MALRD1: variants seen among roughly 807,000 people sequenced by gnomAD.
The protein encoded by MALRD1 is MAM and LDL-receptor class A domain-containing protein 1.
MALRD1 carries 247 observed loss-of-function variants against 242.1 expected under a neutral mutation model. That is an observed-to-expected ratio of 1.02 (90% CI 0.92 to 1.13). The LOEUF is 1.13. Ranked by LOEUF, MALRD1 falls within the 50% of genes most tolerant of loss-of-function variation. The pLI is 0.00. For missense variants in MALRD1, 2,989 were observed against 2,533.1 expected, an observed-to-expected ratio of 1.18 and a Z score of -3.86; for synonymous variants, 995 against 866.6, an observed-to-expected ratio of 1.15 and a Z score of -2.60.
intron 28 of MALRD1, among the ~76,000 whole-genome samples, chr10:19,399,271 A>G (rs547300899): frequency 6.6e-6 from 1 of 152,182 alleles, no homozygotes; most frequent in African/African-American, 2.4e-5. Flanking sequence ...AAAATATTTG[A>G]ATTTTGATTA....
intron 31 of MALRD1, among the ~76,000 whole-genome samples, chr10:19,530,345 TAA>T (rs1224157776): frequency 7.7e-6 from 1 of 130,316 alleles, no homozygotes; most frequent in African/African-American, 2.9e-5. Flanking sequence ...AATATTTATA[TAA>T]ATATATAATA....
chr10:19,481,484 G>A (rs1225783185), intron 29 of MALRD1, among the ~76,000 whole-genome samples: 1 of 152,148 alleles, frequency 6.6e-6, no homozygotes, highest in African/African-American at 2.4e-5. Flanking sequence ...TTGCAAACTT[G>A]CCTCTGATAG....
rs751023305 is a variant in MALRD1, at chr10:19,617,577, T to C, written c.6137+1654T>C. Among the ~76,000 whole-genome samples the C allele has an allele frequency of 5.9e-5, 9 of 152,122 alleles. No homozygotes were observed. In the East Asian group the frequency reaches 1.6e-3, roughly 26 times the overall value. On this transcript the variant is annotated intron_variant, in intron 36 of 39. Transcript: ENST00000454679. ...AAAATTACGTACTAAAAAAGTAATA[T>C]ATGTGGGTTGTCATGAGTCTTTTTA...
At chr10:19,619,928 G>C (rs1431655551) in intron 36 of MALRD1, among the ~76,000 whole-genome samples, 1 of 151,916 alleles carries the variant, frequency 6.6e-6, no homozygotes, top group Non-Finnish European at 1.5e-5. Flanking sequence ...GAGGCAGGAG[G>C]ATTGATTGAG....
intron 31 of MALRD1, among the ~76,000 whole-genome samples, chr10:19,503,709 C>A (rs1022094550): frequency 6.6e-6 from 1 of 152,198 alleles, no homozygotes; most frequent in African/African-American, 2.4e-5. Flanking sequence ...AGTAAGACAA[C>A]TGTCACATCT....
At chr10:19,680,560 A>G (rs1030319070) in intron 36 of MALRD1, among the ~76,000 whole-genome samples, 2 of 152,138 alleles carry the variant, frequency 1.3e-5, no homozygotes, top group African/African-American at 4.8e-5. Context: ...TCTTGAATGC[A>G]GCACACCGAT....
chr10:19,567,219 C>T (rs989539359), intron 32 of MALRD1, among the ~76,000 whole-genome samples: 1 of 152,048 alleles, frequency 6.6e-6, no homozygotes, highest in Non-Finnish European at 1.5e-5. Flanking sequence ...TTTATATCTC[C>T]TCCAGCTTTT....
At position 19,602,990 on chromosome 10, in the gene MALRD1, C is replaced by T. The variant is rs564917090; in HGVS notation, c.5945-4787C>T. On this transcript the variant is annotated intron_variant, in intron 34 of 39. Coordinates refer to ENST00000454679, the MANE Select transcript of MALRD1 (RefSeq NM_001142308.3). The stretch of plus-strand genomic sequence containing the variant: ...CATGTGTCTGTTGGCTGCATAAATG[C>T]CTTCTTTTGAGAAGTGTCCATTCAT... Among the ~76,000 whole-genome samples, 39 of 152,194 alleles carry T rather than the reference C, an allele frequency of 2.6e-4. No individual in the cohort carries two copies. The East Asian group carries it at 6.0e-3, about 23-fold the overall frequency.
At chr10:19,334,544 T>C (rs759965859) in intron 24 of MALRD1, among the ~76,000 whole-genome samples, 3 of 152,078 alleles carry the variant, frequency 2.0e-5, no homozygotes, top group Non-Finnish European at 4.4e-5. Context: ...ATAAATATGA[T>C]AATTACTGTA....
At chr10:19,164,276 T>G (rs1426251073) in intron 12 of MALRD1, among the ~76,000 whole-genome samples, 1 of 152,074 alleles carries the variant, frequency 6.6e-6, no homozygotes, top group Non-Finnish European at 1.5e-5. Context: ...TGAACAATTT[T>G]TTTAAAAAAG....
intron 26 of MALRD1, among the ~76,000 whole-genome samples, chr10:19,383,134 T>A (rs560645228): frequency 6.6e-6 from 1 of 152,278 alleles, no homozygotes; most frequent in African/African-American, 2.4e-5. Flanking sequence ...TTTGGTGTAC[T>A]GATTATTTTG....
At position 19,457,532 on chromosome 10, in the gene MALRD1, G is replaced by T. The variant is rs373843099; in HGVS notation, c.5029+7042G>T. 5.3e-5 allele frequency among the ~76,000 whole-genome samples: 8 copies of T among 151,860 alleles called. No homozygotes were observed. In the South Asian group the frequency reaches 1.0e-3, roughly 20 times the overall value. Reference sequence around the variant, plus strand: ...TGATGATCTGGCAAAGCCCGCCCTGGGTTTTATAACTTAGGTGAAAGCATG... The same window carrying T: ...TGATGATCTGGCAAAGCCCGCCCTGTGTTTTATAACTTAGGTGAAAGCATG... On this transcript the variant is annotated intron_variant, in intron 29 of 39. Coordinates refer to ENST00000454679, the MANE Select transcript of MALRD1 (RefSeq NM_001142308.3).
chr10:19,510,254 C>T (rs1351180168), intron 31 of MALRD1, among the ~76,000 whole-genome samples: 2 of 152,142 alleles, frequency 1.3e-5, no homozygotes, highest in Admixed American at 6.5e-5. Context: ...ATTCCATTGC[C>T]AAGGGAGGAG....
chr10:19,068,542 A>C (rs895582838), intron 2 of MALRD1, among the ~76,000 whole-genome samples: 3 of 152,128 alleles, frequency 2.0e-5, no homozygotes, highest in African/African-American at 7.2e-5. Context: ...CAAGCTGCAT[A>C]GGAAAAAGAG....
chr10:19,552,514 A>G (rs888256292), intron 32 of MALRD1, among the ~76,000 whole-genome samples: 8 of 151,794 alleles, frequency 5.3e-5, no homozygotes, highest in African/African-American at 1.9e-4. Flanking sequence ...AATTTTTTTC[A>G]GAGTGCCAGC....
At chr10:19,537,587 T>C (rs1392983326) in intron 32 of MALRD1, among the ~76,000 whole-genome samples, 3 of 152,196 alleles carry the variant, frequency 2.0e-5, no homozygotes, top group Admixed American at 1.3e-4. Flanking sequence ...GGGCCTTCCT[T>C]ATCATTTGAT....
At chr10:19,485,842 T>C (rs1053488677) in intron 29 of MALRD1, among the ~76,000 whole-genome samples, 1 of 152,074 alleles carries the variant, frequency 6.6e-6, no homozygotes. Flanking sequence ...TAGTTTTGTT[T>C]AAATGTAAAA....
chr10:19,454,753 A>G (rs1428493219), intron 29 of MALRD1, among the ~76,000 whole-genome samples: 1 of 142,044 alleles, frequency 7.0e-6, no homozygotes, highest in Non-Finnish European at 1.5e-5. Context: ...CACACACATT[A>G]TATGTACCGT....
intron 29 of MALRD1, among the ~76,000 whole-genome samples, chr10:19,490,064 T>A (rs34341707): frequency 0.23 from 34,938 of 152,070 alleles, 4,873 homozygotes; most frequent in South Asian, 0.38. Flanking sequence ...GCTTCCAAAT[T>A]TTAAGCTGGA....
Sources: allele counts gnomAD v4.1 joint callset (sites outside exome capture counted in the v4.1 genomes callset), GRCh38; gene constraint gnomAD v4.1.1; transcripts MANE v1.5; gene names NCBI Gene and HGNC (gene_info 2026-07-23, HGNC 2026-07-21).